Variants in USP16 observed in about 807,000 individuals in gnomAD.
USP16 encodes ubiquitin specific peptidase 16, also known as ubiquitin carboxyl-terminal hydrolase 16.
A neutral mutation model predicts 95.9 loss-of-function variants in USP16; 77 were observed. The observed-to-expected ratio is 0.80, with a 90% CI of 0.67 to 0.97. The LOEUF is 0.97. Among genes scored for constraint, USP16 ranks in the 50% least tolerant of loss-of-function variants. The pLI, the probability that USP16 is intolerant of heterozygous loss-of-function variation, is 0.00. For synonymous variants in USP16, 303 were observed against 318.2 expected (o/e 0.95, Z 0.51); for missense variants, 943 against 959.9 (o/e 0.98, Z 0.23).
At chr21:29,028,495 GT>G (rs1013531082) in intron 2 of USP16, among the ~76,000 whole-genome samples, 20 of 152,000 alleles carry the variant, frequency 1.3e-4, no homozygotes, top group Non-Finnish European at 2.2e-4. Context: ...GAGTGCAGTA[GT>G]GTGATCTCAG....
At chr21:29,027,487 T>A (rs1174602004) in intron 1 of USP16, among the ~76,000 whole-genome samples, 2 of 152,246 alleles carry the variant, frequency 1.3e-5, no homozygotes, top group Non-Finnish European at 2.9e-5. Context: ...AAAGGTAGCT[T>A]AGAAGGGAAG....
intron 16 of USP16, among the ~76,000 whole-genome samples, chr21:29,050,966 T>C (rs567344138): frequency 1.3e-3 from 200 of 152,308 alleles, no homozygotes; most frequent in Middle Eastern, 3.4e-3. Flanking sequence ...TTGTATTAAT[T>C]CAGCCAGTAG....
chr21:29,051,992 A>G (rs1410255969), intron 16 of USP16: 2 of 152,234 alleles, frequency 1.3e-5, no homozygotes, highest in African/African-American at 4.8e-5. Context: ...GGTTTGGGGC[A>G]TGGCAGGTAC....
chr21:29,041,975 C>T (rs768708340), intron 10 of USP16, 38 bp from the exon 11 acceptor site: 11 of 1,522,482 alleles, frequency 7.2e-6, no homozygotes, highest in Admixed American at 1.7e-5. Flanking sequence ...AATTATATAA[C>T]GGTAATTGGT....
intron 16 of USP16, chr21:29,053,565 G>A: frequency 2.4e-6 from 1 of 411,416 alleles, no homozygotes; most frequent in Non-Finnish European, 4.3e-6. Flanking sequence ...CCAGGTAACT[G>A]CATCAAGTGG....
chr21:29,043,274 C>T (rs1055219261), intron 12 of USP16, 149 bp from the exon 13 acceptor site: 46 of 539,562 alleles, frequency 8.5e-5, no homozygotes, highest in Non-Finnish European at 1.2e-4. Context: ...ATGAGATAAA[C>T]GAATTTTGTC....
At chr21:29,027,597 G>A (rs927769917) in intron 1 of USP16, among the ~76,000 whole-genome samples, 1 of 152,216 alleles carries the variant, frequency 6.6e-6, no homozygotes, top group Non-Finnish European at 1.5e-5. Context: ...TTCAAGATCT[G>A]TGTAAGATGA....
In USP16 at chr21:29,031,914, C is replaced by A. The variant is rs116679380; in HGVS notation, c.240+1141C>A. Reference sequence around the variant, plus strand: ...CACAACCAGGATATTGAGATTGAAACAACACACCAATCGCAATCAGATCTC... The same window carrying A: ...CACAACCAGGATATTGAGATTGAAAAAACACACCAATCGCAATCAGATCTC... On this transcript the variant is annotated intron_variant, in intron 3 of 17. Coordinates refer to ENST00000399976, the MANE Select transcript of USP16 (RefSeq NM_006447.3). Among the ~76,000 whole-genome samples, 1,119 of 152,240 alleles carry A rather than the reference C, an allele frequency of 7.4e-3. 16 individuals are homozygous for A. Among genetic ancestry groups the A allele is most frequent in the African/African-American group, 0.025 (1,050 of 41,534 alleles).
At chr21:29,030,851 A>G (rs992599428) in intron 3 of USP16, 78 bp downstream of exon 3, 7 of 1,471,884 alleles carry the variant, frequency 4.8e-6, no homozygotes, top group African/African-American at 1.4e-5. Context: ...ACCTGAAAGT[A>G]CAGTATGGAT....
Position 29,043,414 on chromosome 21 carries a change from T to C in USP16, c.1180-9T>C. The C allele has an allele frequency of 6.8e-7, 1 of 1,474,110 alleles. No homozygotes were observed. The highest frequency in any genetic ancestry group is 9.0e-7 in the Non-Finnish European group (1 of 1,115,430). 91.3% of individuals were successfully genotyped at this position (1,474,110 alleles called of 1,614,324 possible). On this transcript the variant is annotated splice_polypyrimidine_tract_variant and intron_variant, in intron 12 of 17. Transcript: ENST00000399976. Reference sequence around the variant, plus strand: ...TTTTGTTTTTGACCTATGTTATCTATATTTTAAGAGTGGTAAGAAAAGTGT... The same window carrying C: ...TTTTGTTTTTGACCTATGTTATCTACATTTTAAGAGTGGTAAGAAAAGTGT...
intron 16 of USP16, among the ~76,000 whole-genome samples, chr21:29,051,757 G>C (rs1052229637): frequency 2.6e-5 from 4 of 152,090 alleles, no homozygotes; most frequent in African/African-American, 9.7e-5. Context: ...CTGGAACCTG[G>C]GAGGCAGAGC....
intron 6 of USP16, among the ~76,000 whole-genome samples, chr21:29,037,806 G>A (rs2085183836): frequency 6.6e-6 from 1 of 152,070 alleles, no homozygotes; most frequent in Admixed American, 6.6e-5. Context: ...GGCTAGTCTT[G>A]AACTCCTGGG....
intron 16 of USP16, among the ~76,000 whole-genome samples, chr21:29,050,671 G>A (rs1006199177): frequency 6.6e-6 from 1 of 152,222 alleles, no homozygotes; most frequent in African/African-American, 2.4e-5. Flanking sequence ...AAATAGGATG[G>A]TGATTGCCAG....
At chr21:29,034,543 C>A (rs2085124961) in intron 3 of USP16, among the ~76,000 whole-genome samples, 1 of 152,070 alleles carries the variant, frequency 6.6e-6, no homozygotes, top group South Asian at 2.1e-4. Context: ...GAACTCCTGA[C>A]CTCAGGTGAT....
chr21:29,032,522 G>A (rs148522104), intron 3 of USP16, among the ~76,000 whole-genome samples: 4 of 152,304 alleles, frequency 2.6e-5, no homozygotes, highest in African/African-American at 7.2e-5. Context: ...GTGAGCCACC[G>A]TGCCCAGCCA....
rs779223610 is a variant in USP16 at position 29,042,103 on chromosome 21, C to G, written c.1121C>G (p.Thr374Ser). The G allele has an allele frequency of 1.2e-6, 2 of 1,610,542 alleles. No homozygotes were observed. The highest frequency in any genetic ancestry group is 1.1e-5 in the South Asian group (1 of 90,588). Residue 374 changes from threonine to serine, a missense_variant and splice_region_variant, in exon 11 of 18, where the codon ACT (threonine) becomes AGT (serine). Physicochemically the swap from Thr to Ser is moderately conservative, Grantham distance 58. Transcript: ENST00000399976. Reference sequence around the variant, plus strand: ...ATGATCATGTGTGATCAATGCAGAACTGTAAGTAGATGTCATGTATACTGG... The same window carrying G: ...ATGATCATGTGTGATCAATGCAGAAGTGTAAGTAGATGTCATGTATACTGG... ...TSMIMCDQCR[T>S]VSLVHESFLD...
chr21:29,054,277 C>T lies in USP16; in HGVS notation c.*90C>T. The T allele has an allele frequency of 7.0e-7, 1 of 1,433,124 alleles. No homozygotes were observed. Among genetic ancestry groups the T allele is most frequent in the Non-Finnish European group, 9.5e-7 (1 of 1,050,872 alleles). 88.8% of individuals were successfully genotyped at this position (1,433,124 alleles called of 1,614,324 possible). The stretch of plus-strand genomic sequence containing the variant: ...AAAAAAGACTAATTAAAATCATGTT[C>T]ACTTAACATTAAATACATGCCAGAA... On this transcript the variant is annotated 3_prime_UTR_variant, in exon 18 of 18. Transcript: ENST00000399976.
intron 10 of USP16, among the ~76,000 whole-genome samples, chr21:29,041,617 T>C (rs1454286799): frequency 1.3e-5 from 2 of 152,138 alleles, no homozygotes; most frequent in Non-Finnish European, 1.5e-5. Flanking sequence ...CTTTTATCAG[T>C]CTTGAATGTT....
chr21:29,030,642 A>G lies in USP16; in HGVS notation c.109A>G (p.Lys37Glu). ...IRKGLEQGNL[K>E]KALVNVEWNI... Reference sequence around the variant, plus strand: ...AAAAGGATTGGAACAAGGTAATTTGAAAAAGGCTTTAGTGAATGTGGAATG... The same window carrying G: ...AAAAGGATTGGAACAAGGTAATTTGGAAAAGGCTTTAGTGAATGTGGAATG... The change falls in exon 3 of 18, where the codon AAA (lysine) becomes GAA (glutamate). Residue 37 changes from lysine (K) to glutamate (E), a missense_variant. Lys to Glu is a moderately conservative substitution (Grantham distance 56, BLOSUM62 1). Transcript: ENST00000399976. 1 of 1,613,246 alleles carries G rather than the reference A, an allele frequency of 6.2e-7. No homozygotes were observed. Among genetic ancestry groups the G allele is most frequent in the Non-Finnish European group, 8.5e-7 (1 of 1,179,682 alleles).
Sources: allele counts gnomAD v4.1 joint callset (sites outside exome capture counted in the v4.1 genomes callset), GRCh38; gene constraint gnomAD v4.1.1; transcripts MANE v1.5; gene names NCBI Gene and HGNC (gene_info 2026-07-23, HGNC 2026-07-21).